LOC400499: variants seen among roughly 807,000 people sequenced by gnomAD.
chr16:11,515,011 G>A, the LOC400499 span, among the ~76,000 whole-genome samples: 79 of 152,092 alleles, frequency 5.2e-4, no homozygotes, highest in Non-Finnish European at 5.6e-4. Flanking sequence ...AGGGCGTGGG[G>A]AAAAGGACAG....
chr16:11,380,070 G>C, the LOC400499 span, among the ~76,000 whole-genome samples: 1 of 152,050 alleles, frequency 6.6e-6, no homozygotes, highest in Non-Finnish European at 1.5e-5. Context: ...TGATCCTTCG[G>C]AGTAGCTGAG....
At chr16:11,495,223 A>AAAG in the LOC400499 span, among the ~76,000 whole-genome samples, 1 of 149,272 alleles carries the variant, frequency 6.7e-6, no homozygotes, top group Non-Finnish European at 1.5e-5. Flanking sequence ...AAAAAAAAAA[A>AAAG]AAAAGAAAAC....
At chr16:11,500,795 G>A in the LOC400499 span, 1 of 399,182 alleles carries the variant, frequency 2.5e-6, no homozygotes, top group East Asian at 3.6e-5. Flanking sequence ...GTGGGGTGCA[G>A]GGACTCACCA....
chr16:11,501,997 G>T, the LOC400499 span: 1 of 397,902 alleles, frequency 2.5e-6, no homozygotes, highest in South Asian at 1.3e-4. Flanking sequence ...TGGGAACCCA[G>T]GACAGCACGA....
At chr16:11,385,657 C>A in the LOC400499 span, among the ~76,000 whole-genome samples, 1 of 152,210 alleles carries the variant, frequency 6.6e-6, no homozygotes, top group South Asian at 2.1e-4. Context: ...GTCCTGAGAC[C>A]TGCTACAAAA....
the LOC400499 span, among the ~76,000 whole-genome samples, chr16:11,490,528 T>A: frequency 6.6e-6 from 1 of 151,604 alleles, no homozygotes; most frequent in African/African-American, 2.4e-5. Context: ...TGAAACCCCG[T>A]CTCTACTAAA....
chr16:11,453,717 C>T, the LOC400499 span, among the ~76,000 whole-genome samples: 1 of 151,878 alleles, frequency 6.6e-6, no homozygotes, highest in Non-Finnish European at 1.5e-5. Context: ...CCTCTAATCC[C>T]AGCACTTTGG....
chr16:11,498,142 G>C, the LOC400499 span, among the ~76,000 whole-genome samples: 1 of 152,124 alleles, frequency 6.6e-6, no homozygotes. Context: ...AAAGCATCAA[G>C]AAGCCACACT....
chr16:11,394,438 G>A, the LOC400499 span, among the ~76,000 whole-genome samples: 1 of 152,200 alleles, frequency 6.6e-6, no homozygotes, highest in African/African-American at 2.4e-5. Flanking sequence ...CACCCTCTCT[G>A]GGCCTCAGCT....
At chr16:11,461,036 G>A in the LOC400499 span, 41 of 1,536,008 alleles carry the variant, frequency 2.7e-5, no homozygotes, top group East Asian at 4.2e-4. Flanking sequence ...CCAAGGGCAC[G>A]AAGCCCCACC....
the LOC400499 span, among the ~76,000 whole-genome samples, chr16:11,427,350 CAAAAAAAAAAAA>C: frequency 0.041 from 1,610 of 38,908 alleles, 39 homozygotes; most frequent in South Asian, 0.089. Context: ...CTCCATCTCA[CAAAAAAAAAAAA>C]AAAAAAAAAA....
the LOC400499 span, among the ~76,000 whole-genome samples, chr16:11,498,754 T>C: frequency 6.6e-6 from 1 of 151,872 alleles, no homozygotes; most frequent in Admixed American, 6.6e-5. Flanking sequence ...TAGAGGAAGC[T>C]TCTGGGCTCC....
At chr16:11,448,217 C>G in the LOC400499 span, 5 of 985,712 alleles carry the variant, frequency 5.1e-6, no homozygotes, top group Non-Finnish European at 7.2e-6. Context: ...CTGAACTGAG[C>G]CACAGCCTCC....
chr16:11,408,259 G>C, the LOC400499 span, among the ~76,000 whole-genome samples: 1 of 152,056 alleles, frequency 6.6e-6, no homozygotes, highest in Non-Finnish European at 1.5e-5. Flanking sequence ...CTGGATTACG[G>C]GTGTGAGCTA....
At chr16:11,485,559 G>GC in the LOC400499 span, among the ~76,000 whole-genome samples, 18 of 152,038 alleles carry the variant, frequency 1.2e-4, no homozygotes, top group Non-Finnish European at 2.4e-4. Context: ...TCTTCCATCT[G>GC]CCCGTCCGCG....
the LOC400499 span, chr16:11,448,831 C>A: frequency 8.5e-7 from 1 of 1,176,192 alleles, no homozygotes; most frequent in Non-Finnish European, 1.1e-6. Context: ...GCACAAAGCC[C>A]TTTTCCATCC....
chr16:11,514,586 T>C, the LOC400499 span: 239,868 of 399,228 alleles, frequency 0.6, 73,833 homozygotes, highest in Admixed American at 0.66. Flanking sequence ...GATCTAGCCA[T>C]CCACAGGACC....
the LOC400499 span, among the ~76,000 whole-genome samples, chr16:11,480,220 G>A: frequency 6.6e-6 from 1 of 152,196 alleles, no homozygotes; most frequent in Non-Finnish European, 1.5e-5. Context: ...TGAGTCTCTA[G>A]GAAAAGTGAG....
At chr16:11,383,071 C>CTT in the LOC400499 span, among the ~76,000 whole-genome samples, 14,175 of 145,066 alleles carry the variant, frequency 0.098, 773 homozygotes, top group Non-Finnish European at 0.13. Context: ...GTGCCAGGGT[C>CTT]TTTTTTTTTT....
Sources: gnomAD v4.1 joint callset for allele counts (sites outside exome capture counted in the v4.1 genomes callset) on GRCh38, gnomAD v4.1.1 for gene constraint, MANE v1.5 for transcripts.